Variants in ADAMTS6 observed in about 807,000 individuals in gnomAD.
The protein encoded by ADAMTS6 is A disintegrin and metalloproteinase with thrombospondin motifs 6.
ADAMTS6 carries 23 observed loss-of-function variants against 144.3 expected under a neutral mutation model. That is an observed-to-expected ratio of 0.16 (90% CI 0.11 to 0.23). ADAMTS6 has a LOEUF of 0.23. Ranked by LOEUF, ADAMTS6 falls within the 10% of genes least tolerant of loss-of-function variation. The pLI, the probability that ADAMTS6 is intolerant of heterozygous loss-of-function variation, is 1.00. For synonymous variants in ADAMTS6, 444 were observed against 457.5 expected, an observed-to-expected ratio of 0.97 and a Z score of 0.38; for missense variants, 999 against 1,379.6, an observed-to-expected ratio of 0.72 and a Z score of 4.37.
At chr5:65,373,724 T>C (rs1244204982) in intron 7 of ADAMTS6, among the ~76,000 whole-genome samples, 2 of 152,020 alleles carry the variant, frequency 1.3e-5, no homozygotes, top group African/African-American at 2.4e-5. Context: ...TTCCAATCAA[T>C]AGAAATAGAG....
intron 7 of ADAMTS6, among the ~76,000 whole-genome samples, chr5:65,390,625 C>CT (rs1752834900): frequency 2.0e-5 from 3 of 152,074 alleles, no homozygotes; most frequent in African/African-American, 7.2e-5. Context: ...AGTTTAGGTC[C>CT]TTTTTTCATA....
At chr5:65,219,919 T>C (rs1757193058) in intron 18 of ADAMTS6, among the ~76,000 whole-genome samples, 1 of 152,170 alleles carries the variant, frequency 6.6e-6, no homozygotes, top group East Asian at 1.9e-4. Flanking sequence ...ACAATTCTAA[T>C]GGGAGATATC....
At chr5:65,268,712 A>G (rs931304329) in intron 12 of ADAMTS6, among the ~76,000 whole-genome samples, 3 of 152,168 alleles carry the variant, frequency 2.0e-5, no homozygotes, top group African/African-American at 7.2e-5. Context: ...CGCAAAGATC[A>G]GTTTTTAATT....
At chr5:65,349,884 T>C (rs2150087550) in intron 7 of ADAMTS6, among the ~76,000 whole-genome samples, 1 of 151,518 alleles carries the variant, frequency 6.6e-6, no homozygotes, top group South Asian at 2.1e-4. Context: ...AGAGGTCAGA[T>C]TGTCTATCCT....
intron 7 of ADAMTS6, among the ~76,000 whole-genome samples, chr5:65,423,681 GA>G (rs1309797290): frequency 6.6e-6 from 1 of 151,724 alleles, no homozygotes; most frequent in Non-Finnish European, 1.5e-5. Context: ...ATACTAGGAT[GA>G]AAAACATTAA....
At chr5:65,239,747 A>G (rs1388583670) in intron 15 of ADAMTS6, among the ~76,000 whole-genome samples, 1 of 152,204 alleles carries the variant, frequency 6.6e-6, no homozygotes. Context: ...ATAATGGCCA[A>G]TAAATATATG....
chr5:65,454,890 C>A (rs553783775), intron 4 of ADAMTS6, among the ~76,000 whole-genome samples: 1 of 152,202 alleles, frequency 6.6e-6, no homozygotes, highest in African/African-American at 2.4e-5. Context: ...GCAGATGACC[C>A]ATCCATGCAC....
chr5:65,347,934 A>C (rs1748501139), intron 7 of ADAMTS6, among the ~76,000 whole-genome samples: 1 of 152,188 alleles, frequency 6.6e-6, no homozygotes, highest in African/African-American at 2.4e-5. Flanking sequence ...GTTCAACATC[A>C]GTAATCATCA....
intron 9 of ADAMTS6, among the ~76,000 whole-genome samples, chr5:65,304,108 T>C (rs1412463175): frequency 6.6e-6 from 1 of 152,228 alleles, no homozygotes; most frequent in Admixed American, 6.5e-5. Context: ...CAGATAGTTA[T>C]CTCAAGGATT....
intron 7 of ADAMTS6, among the ~76,000 whole-genome samples, chr5:65,375,159 A>T (rs1580533318): frequency 6.6e-6 from 1 of 152,258 alleles, no homozygotes; most frequent in African/African-American, 2.4e-5. Context: ...TAAAAACCCT[A>T]GAAGAAAACC....
At chr5:65,217,262 A>G (rs1448262671) in intron 18 of ADAMTS6, among the ~76,000 whole-genome samples, 1 of 152,202 alleles carries the variant, frequency 6.6e-6, no homozygotes, top group Non-Finnish European at 1.5e-5. Flanking sequence ...GTCTAGTTTA[A>G]AACATTTGGT....
At position 65,190,219 on chromosome 5, in the gene ADAMTS6, C is replaced by A. The variant is rs146570444; in HGVS notation, c.2706-1999G>T. Among the ~76,000 whole-genome samples, 882 of 152,220 alleles carry A rather than the reference C, an allele frequency of 5.8e-3. 13 individuals carry two copies. Among genetic ancestry groups the A allele is most frequent in the African/African-American group, 0.021 (855 of 41,534 alleles). ...ATCTACAAATTTTCAGCCTAAAATT[C>A]ATTTAAAGAATGATGATTTAATTTT... On this transcript the variant is annotated intron_variant, in intron 21 of 24. Coordinates refer to ENST00000381055, the MANE Select transcript of ADAMTS6 (RefSeq NM_197941.4).
intron 9 of ADAMTS6, among the ~76,000 whole-genome samples, chr5:65,316,897 G>A (rs577738774): frequency 6.6e-6 from 1 of 152,136 alleles, no homozygotes; most frequent in African/African-American, 2.4e-5. Context: ...TGCCTCCTGG[G>A]TTCAAGCCAT....
At chr5:65,407,153 T>C (rs1754590204) in intron 7 of ADAMTS6, among the ~76,000 whole-genome samples, 1 of 152,016 alleles carries the variant, frequency 6.6e-6, no homozygotes. Context: ...AGATACTCCT[T>C]AAGAAGAGCA....
intron 3 of ADAMTS6, among the ~76,000 whole-genome samples, chr5:65,463,270 G>A (rs1476443086): frequency 6.6e-6 from 1 of 152,120 alleles, no homozygotes; most frequent in Non-Finnish European, 1.5e-5. Flanking sequence ...TGAAAAAAAT[G>A]AGGGAGCAAG....
At chr5:65,180,222 A>C (rs1365398896) in intron 22 of ADAMTS6, among the ~76,000 whole-genome samples, 1 of 152,226 alleles carries the variant, frequency 6.6e-6, no homozygotes, top group Non-Finnish European at 1.5e-5. Context: ...TCAGATGAAC[A>C]TCAATGATTC....
intron 8 of ADAMTS6, among the ~76,000 whole-genome samples, chr5:65,331,467 A>T (rs2150060269): frequency 6.6e-6 from 1 of 152,222 alleles, no homozygotes; most frequent in South Asian, 2.1e-4. Context: ...TACTTGGAAA[A>T]TTCCTACTTA....
chr5:65,373,218 A>T lies in ADAMTS6; in HGVS notation c.1074-39133T>A, dbSNP rs562368063. Among the ~76,000 whole-genome samples, 17 of 150,910 alleles carry T rather than the reference A, an allele frequency of 1.1e-4. No homozygotes were observed. In the South Asian group the frequency reaches 3.2e-3, roughly 28 times the overall value. On this transcript the variant is annotated intron_variant, in intron 7 of 24. Transcript: ENST00000381055. ...AAGAACTAGAAAAGCAAGAGCAAAC[A>T]CATTCAAAAGCTAGCAGAAGGCAAG...
intron 7 of ADAMTS6, among the ~76,000 whole-genome samples, chr5:65,406,616 G>T (rs548723806): frequency 2.7e-4 from 41 of 151,994 alleles, no homozygotes; most frequent in Non-Finnish European, 5.2e-4. Context: ...CTCTTTTTTT[G>T]TTGTGTATTT....
Sources: allele counts gnomAD v4.1 joint callset (sites outside exome capture counted in the v4.1 genomes callset), GRCh38; gene constraint gnomAD v4.1.1; transcripts MANE v1.5; gene names NCBI Gene and HGNC (gene_info 2026-07-23, HGNC 2026-07-21).